Variants in GLIS3 observed in about 807,000 individuals in gnomAD.
GLIS3 encodes the protein zinc finger protein GLIS3.
A neutral mutation model predicts 78.6 loss-of-function variants in GLIS3; 53 were observed. The ratio of observed to expected loss-of-function variants is 0.67; its 90% CI spans 0.54 to 0.85. GLIS3 has a LOEUF of 0.85. Ranked by LOEUF, GLIS3 falls within the 40% of genes least tolerant of loss-of-function variation. The pLI, the probability that GLIS3 is intolerant of heterozygous loss-of-function variation, is 0.00. For missense variants in GLIS3, 1,703 were observed against 1,231.1 expected (o/e 1.38, Z -5.74); for synonymous variants, 684 against 509.9 (o/e 1.34, Z -4.60).
At chr9:4,368,233 C>A in the GLIS3 span, among the ~76,000 whole-genome samples, 1 of 152,102 alleles carries the variant, frequency 6.6e-6, no homozygotes, top group Non-Finnish European at 1.5e-5. Context: ...ATAACTAAGT[C>A]ATCCTGGAAA....
intron 2 of GLIS3, among the ~76,000 whole-genome samples, chr9:4,312,467 C>G (rs112114156): frequency 0.049 from 7,512 of 152,000 alleles, 633 homozygotes; most frequent in African/African-American, 0.17. Context: ...GACTTTGTCT[C>G]AAAAAGAAAA....
the GLIS3 span, among the ~76,000 whole-genome samples, chr9:4,356,087 C>T: frequency 1.3e-5 from 2 of 152,190 alleles, no homozygotes; most frequent in Admixed American, 6.5e-5. Context: ...TGGTCTTGGC[C>T]AAGTCAATCC....
chr9:4,193,434 G>C (rs1287843472), intron 2 of GLIS3, among the ~76,000 whole-genome samples: 2 of 152,132 alleles, frequency 1.3e-5, no homozygotes, highest in African/African-American at 2.4e-5. Flanking sequence ...TTTGCTATCT[G>C]GCCTGTTACA....
At chr9:4,453,243 T>C in the GLIS3 span, among the ~76,000 whole-genome samples, 1 of 148,436 alleles carries the variant, frequency 6.7e-6, no homozygotes, top group African/African-American at 2.5e-5. Flanking sequence ...ATTCAGGACA[T>C]AGGCATGGGC....
chr9:3,909,886 G>A (rs1485128154), intron 6 of GLIS3, among the ~76,000 whole-genome samples: 1 of 152,156 alleles, frequency 6.6e-6, no homozygotes, highest in East Asian at 1.9e-4. Flanking sequence ...TGTGACTAAT[G>A]AGCATTTGAA....
intron 8 of GLIS3, among the ~76,000 whole-genome samples, chr9:3,858,185 G>GT (rs1819913967): frequency 6.6e-6 from 1 of 152,156 alleles, no homozygotes; most frequent in African/African-American, 2.4e-5. Flanking sequence ...GCTCTAGATG[G>GT]TTTTCCAGTC....
At chr9:4,077,486 A>G (rs1828178261) in intron 4 of GLIS3, among the ~76,000 whole-genome samples, 1 of 152,248 alleles carries the variant, frequency 6.6e-6, no homozygotes, top group African/African-American at 2.4e-5. Context: ...CCTCAAAAAA[A>G]GGAAAGAGAT....
At chr9:4,415,067 T>C in the GLIS3 span, among the ~76,000 whole-genome samples, 3 of 152,218 alleles carry the variant, frequency 2.0e-5, no homozygotes, top group South Asian at 6.2e-4. Flanking sequence ...ACTACTCAAC[T>C]TAGGTTTTCT....
At chr9:4,096,084 T>G (rs561210480) in intron 4 of GLIS3, among the ~76,000 whole-genome samples, 17 of 148,740 alleles carry the variant, frequency 1.1e-4, no homozygotes, top group African/African-American at 3.7e-4. Context: ...AGAAGAGAGA[T>G]ATATTTTTAA....
intron 2 of GLIS3, among the ~76,000 whole-genome samples, chr9:4,320,855 G>C (rs910421913): frequency 4.6e-5 from 7 of 152,166 alleles, no homozygotes; most frequent in African/African-American, 1.7e-4. Flanking sequence ...ATTCATTCTG[G>C]TCTCTCTTCA....
chr9:4,440,259 A>G, the GLIS3 span, among the ~76,000 whole-genome samples: 10 of 152,270 alleles, frequency 6.6e-5, no homozygotes, highest in African/African-American at 2.4e-4. Context: ...CCAAAAAAAT[A>G]TTTGCCCATA....
the GLIS3 span, among the ~76,000 whole-genome samples, chr9:4,394,349 T>C: frequency 6.6e-6 from 1 of 150,660 alleles, no homozygotes; most frequent in Non-Finnish European, 1.5e-5. Flanking sequence ...AAATTATTAT[T>C]TAATCTTTAA....
At chr9:3,958,707 A>T (rs953183340) in intron 4 of GLIS3, among the ~76,000 whole-genome samples, 1 of 152,272 alleles carries the variant, frequency 6.6e-6, no homozygotes, top group Non-Finnish European at 1.5e-5. Context: ...CCATGTAAAC[A>T]AACAAATGCA....
intron 4 of GLIS3, among the ~76,000 whole-genome samples, chr9:4,007,714 G>A (rs634435): frequency 0.17 from 26,428 of 151,938 alleles, 3,134 homozygotes; most frequent in African/African-American, 0.34. Flanking sequence ...AATACATAAA[G>A]GAAAGATCAC....
chr9:4,176,644 A>G (rs55771358), intron 2 of GLIS3, among the ~76,000 whole-genome samples: 2,260 of 152,084 alleles, frequency 0.015, 20 homozygotes, highest in Non-Finnish European at 0.024. Context: ...TTATCTTGAG[A>G]CACAGTTTTG....
intron 2 of GLIS3, among the ~76,000 whole-genome samples, chr9:4,282,196 C>T (rs1445868949): frequency 6.6e-6 from 1 of 152,108 alleles, no homozygotes; most frequent in Non-Finnish European, 1.5e-5. Context: ...TTAGAAAATG[C>T]ATTTTCTTAG....
intron 4 of GLIS3, among the ~76,000 whole-genome samples, chr9:4,030,205 G>A (rs1235732975): frequency 6.6e-6 from 1 of 152,104 alleles, no homozygotes; most frequent in Non-Finnish European, 1.5e-5. Flanking sequence ...CAGTGATGTT[G>A]AGCACCTTTT....
chr9:4,112,479 G>C (rs1234785812), intron 4 of GLIS3, among the ~76,000 whole-genome samples: 1 of 152,134 alleles, frequency 6.6e-6, no homozygotes, highest in African/African-American at 2.4e-5. Flanking sequence ...TTATAATACT[G>C]TTCTCAACCT....
intron 6 of GLIS3, among the ~76,000 whole-genome samples, chr9:3,903,132 T>C (rs1317614943): frequency 6.6e-6 from 1 of 152,226 alleles, no homozygotes; most frequent in Non-Finnish European, 1.5e-5. Context: ...AAGTTTATGT[T>C]ATCTCCTGTG....
Sources: gnomAD v4.1 joint callset for allele counts (sites outside exome capture counted in the v4.1 genomes callset) on GRCh38, gnomAD v4.1.1 for gene constraint, MANE v1.5 for transcripts, NCBI Gene and HGNC (gene_info 2026-07-23, HGNC 2026-07-21) for gene names.